FARP1: variants seen among roughly 807,000 people sequenced by gnomAD.
FARP1 encodes the protein FERM, ARH/RhoGEF and pleckstrin domain protein 1.
In FARP1, 52 loss-of-function variants were observed where a neutral mutation model predicts 128.8. The ratio of observed to expected loss-of-function variants is 0.40; its 90% CI spans 0.32 to 0.51. The LOEUF (loss-of-function observed/expected upper bound fraction) is 0.51, where lower values mean the gene tolerates loss of function less well. Ranked by LOEUF, FARP1 falls within the 20% of genes least tolerant of loss-of-function variation. The pLI is 0.45. For missense variants in FARP1, 1,333 were observed against 1,367.9 expected (o/e 0.97, Z 0.40); for synonymous variants, 580 against 551.8 (o/e 1.05, Z -0.72).
intron 2 of FARP1, chr13:98,333,162 G>T (rs1026076087): frequency 1.3e-5 from 2 of 151,996 alleles, no homozygotes; most frequent in African/African-American, 4.8e-5. Flanking sequence ...TCGTCATCTG[G>T]TTTATACTTG....
At chr13:98,377,465 G>A (rs9517279) in intron 5 of FARP1, among the ~76,000 whole-genome samples, 2 of 151,502 alleles carry the variant, frequency 1.3e-5, no homozygotes, top group Non-Finnish European at 1.5e-5. Context: ...TATTGTCTGA[G>A]CCATAGAACC....
intron 16 of FARP1, among the ~76,000 whole-genome samples, chr13:98,412,846 C>T (rs1566302073): frequency 6.6e-6 from 1 of 152,182 alleles, no homozygotes; most frequent in Non-Finnish European, 1.5e-5. Context: ...TGATTGTCTA[C>T]TAAACATGCA....
At chr13:98,190,733 G>GTT (rs5806053) in intron 1 of FARP1, among the ~76,000 whole-genome samples, 5,549 of 130,912 alleles carry the variant, frequency 0.042, 365 homozygotes, top group African/African-American at 0.14. Flanking sequence ...AGCTTTTTAA[G>GTT]TTTTTTTTTT....
chr13:98,152,489 A>G (rs1339250652), intron 1 of FARP1, among the ~76,000 whole-genome samples: 2 of 152,206 alleles, frequency 1.3e-5, no homozygotes, highest in East Asian at 3.9e-4. Context: ...GACCTGAAGC[A>G]GGCAAGAGGG....
Position 98,176,056 on chromosome 13 carries a change from T to C in FARP1, c.-24+32564T>C. ...TACCTCTTTGAGATCCGGATTTCAA[T>C]TCTTTTGGTTACATACTCAGGCATG... On this transcript the variant is annotated intron_variant, in intron 1 of 26. Transcript: ENST00000319562. This position sits in a 1 kb window ranked among gnomAD's most constrained non-coding sequence, Gnocchi z 6.2. 2 of 1,010,406 alleles carry C rather than the reference T, an allele frequency of 2.0e-6. No homozygotes were observed. The highest frequency in any genetic ancestry group is 3.0e-6 in the Non-Finnish European group (2 of 657,018). 62.6% of individuals were successfully genotyped at this position (1,010,406 alleles called of 1,614,324 possible).
chr13:98,435,686 A>T lies in FARP1; in HGVS notation c.2254A>T (p.Asn752Tyr), dbSNP rs1892232340. ...ELKKDLIGID[N>Y]LVVPGREFIR... ...CAAGAAAGATTTGATTGGCATTGACAATCTTGTGGTTCCGGGAAGGGTAAG... is the reference window on the plus strand; with the variant it reads ...CAAGAAAGATTTGATTGGCATTGACTATCTTGTGGTTCCGGGAAGGGTAAG... Residue 752 changes from asparagine (N) to tyrosine (Y), a missense_variant, in exon 19 of 27, where the codon AAT becomes TAT. This residue lies in a region of FARP1 where 1,009 missense variants were observed against 969.8 expected (regional missense o/e 1.04). Transcript: ENST00000319562. 1 of 1,614,172 alleles carries T rather than the reference A, an allele frequency of 6.2e-7. No homozygotes were observed. Among genetic ancestry groups the T allele is most frequent in the East Asian group, 2.2e-5 (1 of 44,890 alleles).
chr13:98,238,973 A>T (rs1475175109), intron 2 of FARP1, among the ~76,000 whole-genome samples: 1 of 152,124 alleles, frequency 6.6e-6, no homozygotes, highest in Non-Finnish European at 1.5e-5. Context: ...AGCATGCGTT[A>T]CCTTTGTTGT....
chr13:98,407,314 A>G (rs1891018647), intron 13 of FARP1: 1 of 148,668 alleles, frequency 6.7e-6, no homozygotes, highest in African/African-American at 2.5e-5. Context: ...TCTAATTCCT[A>G]CTTGTAGTGA....
chr13:98,271,342 C>T (rs1319228570), intron 2 of FARP1, among the ~76,000 whole-genome samples: 5 of 152,130 alleles, frequency 3.3e-5, no homozygotes, highest in South Asian at 4.1e-4. Flanking sequence ...CTCCTCTTAA[C>T]GGTGGTGAGT....
intron 1 of FARP1, among the ~76,000 whole-genome samples, chr13:98,210,841 A>G (rs9556908): frequency 0.73 from 111,479 of 152,112 alleles, 41,166 homozygotes; most frequent in East Asian, 0.99. Flanking sequence ...GAGCCACCGC[A>G]CCCAGCCCAG....
intron 1 of FARP1, among the ~76,000 whole-genome samples, chr13:98,188,454 G>A (rs756023183): frequency 2.0e-5 from 3 of 152,088 alleles, no homozygotes; most frequent in Non-Finnish European, 4.4e-5. Flanking sequence ...CCAGCTACTC[G>A]GGAGGCTGAG....
intron 1 of FARP1, among the ~76,000 whole-genome samples, chr13:98,212,098 C>T (rs180981132): frequency 2.4e-4 from 37 of 152,330 alleles, no homozygotes; most frequent in African/African-American, 7.9e-4. Context: ...GCTTGTCCCC[C>T]AGGCTGGAGT....
In FARP1 at chr13:98,368,180, A is replaced by G. The variant is rs751002543; in HGVS notation, c.383A>G (p.Gln128Arg). The change falls in exon 5 of 27, where the codon CAA becomes CGA. Residue 128 changes from glutamine (Q) to arginine (R), a missense_variant. This residue lies in a region of FARP1 where 324 missense variants were observed against 398.1 expected (regional missense o/e 0.81). Transcript: ENST00000319562. ...TTTCCGCCTGACCACACACAACTCC[A>G]AGAAGAACTCACAAGGTTAGTGGTT... Reference protein sequence around the residue: ...KFFPPDHTQLQEELTRYLFAL... With the variant: ...KFFPPDHTQLREELTRYLFAL... The G allele has an allele frequency of 1.2e-6, 2 of 1,613,650 alleles. No individual in the cohort carries two copies. The highest frequency in any genetic ancestry group is 1.1e-5 in the South Asian group (1 of 91,076).
intron 7 of FARP1, 55 bp downstream of exon 7, chr13:98,384,899 A>G (rs961063167): frequency 2.2e-5 from 23 of 1,061,526 alleles, no homozygotes; most frequent in Non-Finnish European, 3.0e-5. Context: ...TCTGCCTCCA[A>G]CCTACATGGG....
intron 2 of FARP1, among the ~76,000 whole-genome samples, chr13:98,284,447 C>A (rs1438579195): frequency 6.6e-6 from 1 of 152,124 alleles, no homozygotes; most frequent in African/African-American, 2.4e-5. Flanking sequence ...AAGCTAAATC[C>A]CTGAGAAGTG....
At chr13:98,266,835 A>G (rs1167975952) in intron 2 of FARP1, among the ~76,000 whole-genome samples, 4 of 152,002 alleles carry the variant, frequency 2.6e-5, no homozygotes, top group African/African-American at 9.7e-5. Context: ...AACATAAGTG[A>G]GACCCCATCT....
intron 2 of FARP1, among the ~76,000 whole-genome samples, chr13:98,288,801 T>C (rs1180658802): frequency 2.6e-5 from 4 of 152,222 alleles, no homozygotes; most frequent in African/African-American, 9.6e-5. Flanking sequence ...ATTTCAGCTT[T>C]GGGCGAGATG....
chr13:98,446,058 G>A (rs1418948657), intron 24 of FARP1, 40 bp from the exon 25 acceptor site: 4 of 1,390,232 alleles, frequency 2.9e-6, no homozygotes, highest in Non-Finnish European at 4.1e-6. Flanking sequence ...TCCTGGGGCA[G>A]GTGCCCGCTG....
rs373050973 is a variant in FARP1 at position 98,347,699 on chromosome 13, G to A, written c.276+3833G>A. On this transcript the variant is annotated intron_variant, in intron 3 of 26. Coordinates refer to ENST00000319562, the MANE Select transcript of FARP1 (RefSeq NM_005766.4). The stretch of plus-strand genomic sequence containing the variant: ...CATTGTGAGCCATGCTGCAATGAAC[G>A]TGGGTGTGCCATCACTATTATTTTT... Among the ~76,000 whole-genome samples the A allele has an allele frequency of 5.3e-5, 8 of 152,288 alleles. No homozygotes were observed. In the South Asian group the frequency reaches 1.7e-3, roughly 32 times the overall value.
Sources: allele counts gnomAD v4.1 joint callset (sites outside exome capture counted in the v4.1 genomes callset), GRCh38; gene constraint gnomAD v4.1.1; regional missense constraint gnomAD v4.1.1; non-coding constraint Gnocchi (gnomAD v3.1); transcripts MANE v1.5; gene names NCBI Gene and HGNC (gene_info 2026-07-23, HGNC 2026-07-21).